The following KLHL29 variants were observed in gnomAD, a reference collection of about 807,000 sequenced individuals.
KLHL29 encodes kelch-like protein 29.
Under a neutral mutation model 80.4 loss-of-function variants are expected in KLHL29, and 21 were observed. The ratio of observed to expected loss-of-function variants is 0.26; its 90% CI spans 0.19 to 0.38. The LOEUF (loss-of-function observed/expected upper bound fraction) is 0.38. Ranked by LOEUF, KLHL29 falls within the 10% of genes least tolerant of loss-of-function variation. The pLI is 1.00. For missense variants in KLHL29, 867 were observed against 1,223.9 expected, an observed-to-expected ratio of 0.71 and a Z score of 4.35; for synonymous variants, 511 against 526.8, an observed-to-expected ratio of 0.97 and a Z score of 0.41.
intron 1 of KLHL29, among the ~76,000 whole-genome samples, chr2:23,417,769 G>T (rs1662627072): frequency 6.6e-6 from 1 of 152,060 alleles, no homozygotes; most frequent in South Asian, 2.1e-4. Context: ...TGAAGTGCTT[G>T]CAGTTCTCCC....
chr2:23,484,343 C>T (rs981327403), intron 2 of KLHL29, among the ~76,000 whole-genome samples: 1 of 152,220 alleles, frequency 6.6e-6, no homozygotes, highest in Non-Finnish European at 1.5e-5. Flanking sequence ...GCAGTCCTCA[C>T]GGGCCACCCT....
Position 23,642,320 on chromosome 2 carries a change from C to A in KLHL29, c.428-18C>A. On this transcript the variant is annotated intron_variant, in intron 4 of 13. Coordinates refer to ENST00000486442, the MANE Select transcript of KLHL29 (RefSeq NM_052920.2). ...AAAATGTAACCGGCAGATGACGTTT[C>A]TTCCATCTCCCTTGCAGGCACAGGG... The A allele has an allele frequency of 7.2e-7, 1 of 1,395,294 alleles. No homozygotes were observed. The highest frequency in any genetic ancestry group is 9.4e-7 in the Non-Finnish European group (1 of 1,068,620). 86.4% of individuals were successfully genotyped at this position (1,395,294 alleles called of 1,614,324 possible). A position where few individuals can be genotyped will look rare whatever the true frequency, so the allele number is the denominator to read the frequency against.
intron 1 of KLHL29, among the ~76,000 whole-genome samples, chr2:23,406,883 G>T (rs1401417516): frequency 6.6e-6 from 1 of 152,022 alleles, no homozygotes; most frequent in Non-Finnish European, 1.5e-5. Flanking sequence ...GTTCTTTATG[G>T]AAAATTTTAA....
chr2:23,479,391 T>C (rs899225227), intron 2 of KLHL29, among the ~76,000 whole-genome samples: 15 of 152,052 alleles, frequency 9.9e-5, no homozygotes, highest in Non-Finnish European at 1.8e-4. Context: ...ACCCCCAGCC[T>C]GCGCTGTCCA....
intron 2 of KLHL29, among the ~76,000 whole-genome samples, chr2:23,534,812 A>T (rs1666615692): frequency 1.3e-5 from 2 of 152,188 alleles, no homozygotes; most frequent in Admixed American, 1.3e-4. Flanking sequence ...AGAAAGAAAA[A>T]ACAGTGCCTT....
chr2:23,629,329 A>C (rs567327667), intron 3 of KLHL29, among the ~76,000 whole-genome samples: 1 of 151,774 alleles, frequency 6.6e-6, no homozygotes, highest in East Asian at 1.9e-4. Flanking sequence ...GCTGAAGCGC[A>C]GGAAAGGGCT....
chr2:23,591,325 G>A (rs183377235), intron 3 of KLHL29, among the ~76,000 whole-genome samples: 4 of 152,274 alleles, frequency 2.6e-5, no homozygotes, highest in African/African-American at 4.8e-5. Flanking sequence ...GACACAGTCC[G>A]CAGGCTCCTG....
At chr2:23,498,924 C>T (rs1665351571) in intron 2 of KLHL29, among the ~76,000 whole-genome samples, 1 of 152,152 alleles carries the variant, frequency 6.6e-6, no homozygotes, top group Non-Finnish European at 1.5e-5. Flanking sequence ...ACAGAGCCTA[C>T]GGAGCTCTCA....
intron 1 of KLHL29, among the ~76,000 whole-genome samples, chr2:23,452,272 G>A (rs1209397887): frequency 1.3e-5 from 2 of 150,984 alleles, no homozygotes; most frequent in Non-Finnish European, 2.9e-5. Context: ...TCCTCCAACC[G>A]CAGTCTCCCA....
chr2:23,639,348 G>A (rs1230853267), intron 4 of KLHL29, 68 bp downstream of exon 4: 1 of 1,482,166 alleles, frequency 6.7e-7, no homozygotes, highest in East Asian at 2.5e-5. Flanking sequence ...AGGCTTCCTG[G>A]GGACCCCAAC....
chr2:23,660,908 G>A (rs928690610), intron 5 of KLHL29, among the ~76,000 whole-genome samples: 2 of 152,210 alleles, frequency 1.3e-5, no homozygotes, highest in Non-Finnish European at 2.9e-5. Flanking sequence ...GCAGGCGCCT[G>A]TAATCCCAGC....
At chr2:23,559,186 G>A (rs1040883919) in intron 2 of KLHL29, among the ~76,000 whole-genome samples, 3 of 152,188 alleles carry the variant, frequency 2.0e-5, no homozygotes, top group Admixed American at 6.5e-5. Context: ...GGGGACATGA[G>A]GCTTCAGAAA....
At chr2:23,446,537 T>C (rs1027834842) in intron 1 of KLHL29, among the ~76,000 whole-genome samples, 18 of 152,238 alleles carry the variant, frequency 1.2e-4, no homozygotes, top group African/African-American at 3.9e-4. Context: ...AAGCTCTTCC[T>C]GGCTCTTGCT....
At chr2:23,429,376 CA>C (rs1663103350) in intron 1 of KLHL29, among the ~76,000 whole-genome samples, 2 of 152,184 alleles carry the variant, frequency 1.3e-5, no homozygotes, top group Non-Finnish European at 2.9e-5. Flanking sequence ...CCCTGAGGGA[CA>C]GAGCTTTGGT....
intron 3 of KLHL29, among the ~76,000 whole-genome samples, chr2:23,625,699 G>C (rs989044993): frequency 6.6e-6 from 1 of 152,206 alleles, no homozygotes; most frequent in Non-Finnish European, 1.5e-5. Flanking sequence ...TGCAGGCTGC[G>C]TGGATCTTAT....
At chr2:23,441,117 A>G (rs1663504207) in intron 1 of KLHL29, among the ~76,000 whole-genome samples, 1 of 152,120 alleles carries the variant, frequency 6.6e-6, no homozygotes. Context: ...AAGAAAATGT[A>G]GCATATATAC....
chr2:23,696,784 C>G lies in KLHL29; in HGVS notation c.2105+271C>G. 1 of 361,142 alleles carries G rather than the reference C, an allele frequency of 2.8e-6. No homozygotes were observed. Among genetic ancestry groups the G allele is most frequent in the Non-Finnish European group, 5.0e-6 (1 of 200,568 alleles). 22.4% of individuals were successfully genotyped at this position (361,142 alleles called of 1,614,324 possible). On this transcript the variant is annotated intron_variant, in intron 11 of 13. Transcript: ENST00000486442. This position sits in a 1 kb window ranked among gnomAD's most constrained non-coding sequence, Gnocchi z 5.5. ...CCCGACAACCCATTTAGGTGTCAGA[C>G]AAGCTGGAGGCCCAAGATCCAGTTG... is the stretch of plus-strand genomic sequence containing the variant.
intron 1 of KLHL29, among the ~76,000 whole-genome samples, chr2:23,391,239 T>C (rs1666315807): frequency 1.3e-5 from 2 of 152,200 alleles, no homozygotes; most frequent in African/African-American, 4.8e-5. Flanking sequence ...TTTCCTTCCT[T>C]TTTAAGGTTG....
At chr2:23,658,083 T>G (rs557509802) in intron 5 of KLHL29, among the ~76,000 whole-genome samples, 1 of 151,762 alleles carries the variant, frequency 6.6e-6, no homozygotes, top group Non-Finnish European at 1.5e-5. Context: ...TTGGCCCTCC[T>G]CCCTCCTCCC....
Sources: allele counts gnomAD v4.1 joint callset (sites outside exome capture counted in the v4.1 genomes callset), GRCh38; gene constraint gnomAD v4.1.1; non-coding constraint Gnocchi (gnomAD v3.1); transcripts MANE v1.5; gene names NCBI Gene and HGNC (gene_info 2026-07-23, HGNC 2026-07-21).